NRXN3: variants seen among roughly 807,000 people sequenced by gnomAD.
The protein encoded by NRXN3 is neurexin 3.
Under a neutral mutation model 137.6 loss-of-function variants are expected in NRXN3, and 32 were observed. The observed-to-expected ratio is 0.23, with a 90% CI of 0.18 to 0.31. NRXN3 has a LOEUF of 0.31. Among genes scored for constraint, NRXN3 ranks in the 10% least tolerant of loss-of-function variants. NRXN3 has a pLI of 1.00. For synonymous variants in NRXN3, 798 were observed against 784.5 expected, an observed-to-expected ratio of 1.02 and a Z score of -0.29; for missense variants, 1,574 against 2,062.5, an observed-to-expected ratio of 0.76 and a Z score of 4.59.
At chr14:79,345,752 T>A (rs566645006) in intron 15 of NRXN3, among the ~76,000 whole-genome samples, 1 of 152,244 alleles carries the variant, frequency 6.6e-6, no homozygotes, top group South Asian at 2.1e-4. Flanking sequence ...TGCTGTCACC[T>A]TATGATACCC....
chr14:79,452,754 G>T (rs1312801420), intron 15 of NRXN3, among the ~76,000 whole-genome samples: 3 of 152,174 alleles, frequency 2.0e-5, no homozygotes, highest in Admixed American at 2.0e-4. Context: ...AATTAGGCAG[G>T]AGAAATGAGA....
chr14:79,594,238 G>A (rs1277428323), intron 16 of NRXN3, among the ~76,000 whole-genome samples: 1 of 152,132 alleles, frequency 6.6e-6, no homozygotes, highest in Non-Finnish European at 1.5e-5. Flanking sequence ...TAAATGCATT[G>A]ATATTTTAGT....
chr14:79,114,036 CT>C (rs1234657669), intron 15 of NRXN3, among the ~76,000 whole-genome samples: 2 of 152,192 alleles, frequency 1.3e-5, no homozygotes, highest in African/African-American at 4.8e-5. Context: ...GATCTTGACG[CT>C]TAATGACATT....
intron 6 of NRXN3, among the ~76,000 whole-genome samples, chr14:78,689,824 TTCTCTCTC>T (rs143870046): frequency 1.4e-5 from 2 of 146,904 alleles, no homozygotes; most frequent in East Asian, 2.0e-4. Flanking sequence ...CTCACTCTCT[TTCTCTCTC>T]TCTCTCTCTC....
chr14:78,931,817 G>A (rs2099322800), intron 10 of NRXN3, among the ~76,000 whole-genome samples: 1 of 152,106 alleles, frequency 6.6e-6, no homozygotes, highest in African/African-American at 2.4e-5. Flanking sequence ...AAGTACACTG[G>A]CAAATTTTGG....
chr14:79,211,041 A>G (rs2067580265), intron 15 of NRXN3, among the ~76,000 whole-genome samples: 1 of 152,146 alleles, frequency 6.6e-6, no homozygotes, highest in Non-Finnish European at 1.5e-5. Context: ...ACTCTCCTTC[A>G]AAATAATATT....
intron 16 of NRXN3, among the ~76,000 whole-genome samples, chr14:79,594,292 G>A (rs2097840926): frequency 6.6e-6 from 1 of 152,052 alleles, no homozygotes; most frequent in Admixed American, 6.6e-5. Flanking sequence ...CATAATAATT[G>A]GGACTGAGTG....
rs911148552 is a variant in NRXN3, at chr14:78,772,336, C to T, written c.2045-31284C>T. Among the ~76,000 whole-genome samples the T allele has an allele frequency of 9.9e-5, 15 of 152,172 alleles. 1 individual carries two copies. The highest frequency in any genetic ancestry group is 3.9e-4 in the East Asian group (2 of 5,174). The stretch of plus-strand genomic sequence containing the variant: ...ATGGGGCAAAAATATGTGATATTGA[C>T]GCACCATTGACCAAAGTTTGGGAAA... On this transcript the variant is annotated intron_variant, in intron 8 of 20. Transcript: ENST00000335750.
intron 4 of NRXN3, among the ~76,000 whole-genome samples, chr14:78,634,530 T>G (rs1241984682): frequency 6.6e-6 from 1 of 152,156 alleles, no homozygotes; most frequent in African/African-American, 2.4e-5. Context: ...ATTTAACTTT[T>G]CAAAAAATGA....
At chr14:78,202,153 G>A (rs894163257) in intron 1 of NRXN3, among the ~76,000 whole-genome samples, 1 of 152,166 alleles carries the variant, frequency 6.6e-6, no homozygotes, top group South Asian at 2.1e-4. Flanking sequence ...GGATGAGAGA[G>A]CCAAGTGCCA....
rs1380070602 is a variant in NRXN3, at chr14:78,497,969, C to T, written c.758-147151C>T. On this transcript the variant is annotated intron_variant, in intron 4 of 20. Transcript: ENST00000335750. Reference sequence around the variant, plus strand: ...GTTTGAGTTTGCATTCAATCATCTCCCCTTTCGCTTTTTCATCAGTTTATT... The same window carrying T: ...GTTTGAGTTTGCATTCAATCATCTCTCCTTTCGCTTTTTCATCAGTTTATT... Among the ~76,000 whole-genome samples, 4 of 152,268 alleles carry T rather than the reference C, an allele frequency of 2.6e-5. No individual in the cohort carries two copies. The East Asian group carries it at 7.7e-4, about 29-fold the overall frequency.
intron 4 of NRXN3, among the ~76,000 whole-genome samples, chr14:78,505,128 A>C (rs1178362244): frequency 6.6e-6 from 1 of 152,116 alleles, no homozygotes; most frequent in African/African-American, 2.4e-5. Flanking sequence ...TCCAGGGAGA[A>C]TGATGCATTG....
At chr14:78,651,475 C>T (rs1601897802) in intron 6 of NRXN3, 149 bp downstream of exon 6, 3 of 935,160 alleles carry the variant, frequency 3.2e-6, no homozygotes, top group Non-Finnish European at 4.7e-6. Context: ...AGTAGGTGTC[C>T]TACGTTTTCA....
At chr14:78,310,110 T>A (rs2077797532) in intron 4 of NRXN3, among the ~76,000 whole-genome samples, 1 of 152,102 alleles carries the variant, frequency 6.6e-6, no homozygotes, top group African/African-American at 2.4e-5. Context: ...TGCTTAACTC[T>A]AGGAAGAGCT....
chr14:79,121,335 A>C (rs1018841703), intron 15 of NRXN3, among the ~76,000 whole-genome samples: 2 of 152,206 alleles, frequency 1.3e-5, no homozygotes, highest in Admixed American at 1.3e-4. Flanking sequence ...AGAAAGCCAT[A>C]TGCTCTTTGC....
intron 15 of NRXN3, among the ~76,000 whole-genome samples, chr14:79,235,461 A>C (rs1396518509): frequency 6.6e-6 from 1 of 152,120 alleles, no homozygotes; most frequent in African/African-American, 2.4e-5. Flanking sequence ...CCTCCTAGTG[A>C]CTTGAAAGAA....
chr14:79,118,867 T>G (rs1208639747), intron 15 of NRXN3, among the ~76,000 whole-genome samples: 2 of 152,172 alleles, frequency 1.3e-5, no homozygotes, highest in Non-Finnish European at 2.9e-5. Context: ...CCTGTAAGAA[T>G]TAAAGTCAAC....
rs554602700 is a variant in NRXN3, at chr14:79,723,024, T to C, written c.4014+25087T>C. On this transcript the variant is annotated intron_variant, in intron 19 of 20. Coordinates refer to ENST00000335750, the MANE Select transcript of NRXN3 (RefSeq NM_001330195.2). ...TTTAGTCAGAGTTATTTGTGTGCAT[T>C]TATGTCGATACTACCCACTCCATTC... 2.6e-5 allele frequency among the ~76,000 whole-genome samples: 4 copies of C among 152,218 alleles called. No homozygotes were observed. The South Asian group carries it at 8.3e-4, about 32-fold the overall frequency.
chr14:79,393,037 C>T (rs1041018089), intron 15 of NRXN3, among the ~76,000 whole-genome samples: 4 of 147,044 alleles, frequency 2.7e-5, no homozygotes, highest in Non-Finnish European at 5.9e-5. Flanking sequence ...GAAATAGGAA[C>T]GCTTTTATAC....
Sources: allele counts gnomAD v4.1 joint callset (sites outside exome capture counted in the v4.1 genomes callset), GRCh38; gene constraint gnomAD v4.1.1; transcripts MANE v1.5; gene names NCBI Gene and HGNC (gene_info 2026-07-23, HGNC 2026-07-21).